MAML3: variants seen among roughly 807,000 people sequenced by gnomAD.
MAML3 encodes the protein mastermind like transcriptional coactivator 3, also known as mastermind-like protein 3.
MAML3 carries 27 observed loss-of-function variants against 101.9 expected under a neutral mutation model. The ratio of observed to expected loss-of-function variants is 0.27; its 90% confidence interval spans 0.20 to 0.37. MAML3 has a LOEUF of 0.37. Ranked by LOEUF, MAML3 falls within the 10% of genes least tolerant of loss-of-function variation. The probability of loss-of-function intolerance (pLI) is 1.00; values close to 1 mark genes in which losing one functional copy is unlikely to be tolerated. For missense variants in MAML3, 1,316 were observed against 1,444.9 expected (o/e 0.91, Z 1.45); for synonymous variants, 501 against 555.9 (o/e 0.90, Z 1.39).
intron 2 of MAML3, among the ~76,000 whole-genome samples, chr4:139,886,252 C>G (rs964193255): frequency 5.5e-4 from 83 of 152,090 alleles, no homozygotes; most frequent in African/African-American, 1.9e-3. Context: ...CTCAATCCAA[C>G]TGGCAAATCA....
At chr4:140,101,378 A>G (rs1331663596) in intron 1 of MAML3, among the ~76,000 whole-genome samples, 1 of 152,136 alleles carries the variant, frequency 6.6e-6, no homozygotes, top group Admixed American at 6.5e-5. Flanking sequence ...AGTTGAAGGG[A>G]TGAGAAACTC....
chr4:139,979,545 C>A lies in MAML3; in HGVS notation c.469-88578G>T, dbSNP rs144000601. On this transcript the variant is annotated intron_variant, in intron 1 of 4. Transcript: ENST00000509479. Reference sequence around the variant, plus strand: ...ACGGTTTGAATGTGTCCCCTCAAAACTTCAGGTGTTGCCAATGTGACAGTA... The same window carrying A: ...ACGGTTTGAATGTGTCCCCTCAAAAATTCAGGTGTTGCCAATGTGACAGTA... 8.3e-4 allele frequency among the ~76,000 whole-genome samples: 127 copies of A among 152,320 alleles called. 1 individual carries two copies. The highest frequency in any genetic ancestry group is 2.8e-3 in the African/African-American group (118 of 41,580).
At chr4:139,884,449 T>C (rs1210565797) in intron 2 of MAML3, among the ~76,000 whole-genome samples, 1 of 152,244 alleles carries the variant, frequency 6.6e-6, no homozygotes, top group East Asian at 1.9e-4. Flanking sequence ...ATGATGTATC[T>C]AGTCCTAAGA....
At chr4:140,006,214 T>C (rs904204825) in intron 1 of MAML3, among the ~76,000 whole-genome samples, 5 of 151,978 alleles carry the variant, frequency 3.3e-5, no homozygotes, top group African/African-American at 1.2e-4. Context: ...AGGGGGCCAA[T>C]AGGAAGAAAG....
chr4:139,979,503 T>C (rs1371790859), intron 1 of MAML3, among the ~76,000 whole-genome samples: 2 of 152,114 alleles, frequency 1.3e-5, no homozygotes, highest in Non-Finnish European at 2.9e-5. Context: ...CCACTAACAG[T>C]TGGGTTAGTG....
At chr4:140,137,308 A>G (rs1348808197) in intron 1 of MAML3, among the ~76,000 whole-genome samples, 3 of 152,228 alleles carry the variant, frequency 2.0e-5, no homozygotes, top group Non-Finnish European at 4.4e-5. Flanking sequence ...TTTTTAAACT[A>G]TAAACAAAGT....
At chr4:140,085,358 T>A (rs570094091) in intron 1 of MAML3, among the ~76,000 whole-genome samples, 1 of 152,124 alleles carries the variant, frequency 6.6e-6, no homozygotes, top group Non-Finnish European at 1.5e-5. Context: ...TGGATCTGTT[T>A]CCCAGGGGAC....
chr4:139,880,038 C>T (rs771655497), intron 2 of MAML3, among the ~76,000 whole-genome samples: 19 of 151,884 alleles, frequency 1.3e-4, no homozygotes, highest in African/African-American at 3.6e-4. Flanking sequence ...CTGGGCGTGG[C>T]GGCCTGTGCC....
At position 139,942,453 on chromosome 4, in the gene MAML3, A is replaced by T. The variant is rs112086133; in HGVS notation, c.469-51486T>A. ...TGATTACTGCAGTAAGTTCTCTGTG[A>T]TTAATGTGGACATAACACTGTCCAG... On this transcript the variant is annotated intron_variant, in intron 1 of 4. Transcript: ENST00000509479. Among the ~76,000 whole-genome samples the T allele has an allele frequency of 2.1e-3, 313 of 152,290 alleles. 2 individuals carry two copies. The highest frequency in any genetic ancestry group is 2.7e-3 in the Non-Finnish European group (184 of 68,014).
At chr4:139,756,146 T>C (rs949187253) in intron 2 of MAML3, among the ~76,000 whole-genome samples, 19 of 152,170 alleles carry the variant, frequency 1.2e-4, no homozygotes, top group African/African-American at 4.1e-4. Context: ...CAGCAAAGCA[T>C]GTAGGTTGTC....
At chr4:139,977,516 C>T (rs562194775) in intron 1 of MAML3, among the ~76,000 whole-genome samples, 1 of 152,310 alleles carries the variant, frequency 6.6e-6, no homozygotes, top group African/African-American at 2.4e-5. Flanking sequence ...TACTTTGGAA[C>T]ATTCTGCCCT....
chr4:139,863,797 G>T (rs1731833630), intron 2 of MAML3, among the ~76,000 whole-genome samples: 1 of 137,990 alleles, frequency 7.2e-6, no homozygotes, highest in South Asian at 2.4e-4. Flanking sequence ...CCTAATTTCT[G>T]TACCTTCACT....
chr4:139,930,897 T>C (rs1733378623), intron 1 of MAML3, among the ~76,000 whole-genome samples: 1 of 152,100 alleles, frequency 6.6e-6, no homozygotes, highest in South Asian at 2.1e-4. Context: ...GTCATTGCTA[T>C]AGGCATTTCA....
At chr4:139,894,888 A>T (rs1370133211) in intron 1 of MAML3, among the ~76,000 whole-genome samples, 1 of 152,222 alleles carries the variant, frequency 6.6e-6, no homozygotes, top group Non-Finnish European at 1.5e-5. Flanking sequence ...CAGCTTTAGG[A>T]CTTAAAGGAA....
chr4:139,982,973 C>T (rs1399661190), intron 1 of MAML3, among the ~76,000 whole-genome samples: 3 of 152,184 alleles, frequency 2.0e-5, no homozygotes, highest in Admixed American at 1.3e-4. Context: ...TTTGCAGTCT[C>T]TATGCATTTT....
At chr4:139,760,387 G>C (rs181396420) in intron 2 of MAML3, among the ~76,000 whole-genome samples, 93 of 152,304 alleles carry the variant, frequency 6.1e-4, no homozygotes, top group Non-Finnish European at 1.2e-3. Context: ...TAGAATGTGG[G>C]CTTTGGAATC....
Position 139,965,456 on chromosome 4 carries a change from G to A in MAML3, c.469-74489C>T, listed in dbSNP as rs374503907. Among the ~76,000 whole-genome samples, 9 of 152,084 alleles carry A rather than the reference G, an allele frequency of 5.9e-5. No homozygotes were observed. In the East Asian group the frequency reaches 7.7e-4, roughly 13 times the overall value. On this transcript the variant is annotated intron_variant, in intron 1 of 4. Coordinates refer to ENST00000509479, the MANE Select transcript of MAML3 (RefSeq NM_018717.5). ...CTAAAACATCACCATGTTTTAAAAT[G>A]TTCCCTACAATTGCCTTTGAGAATG... is the stretch of plus-strand genomic sequence containing the variant.
intron 1 of MAML3, among the ~76,000 whole-genome samples, chr4:140,033,558 G>A (rs1389704729): frequency 6.6e-6 from 1 of 152,180 alleles, no homozygotes; most frequent in Non-Finnish European, 1.5e-5. Context: ...CTCACTGGAT[G>A]TCTATTTTAT....
At chr4:139,979,878 C>T (rs76403352) in intron 1 of MAML3, among the ~76,000 whole-genome samples, 3,822 of 152,278 alleles carry the variant, frequency 0.025, 166 homozygotes, top group African/African-American at 0.085. Flanking sequence ...TATGTTGTTA[C>T]AGCAGCACAA....
Sources: allele counts gnomAD v4.1 joint callset (sites outside exome capture counted in the v4.1 genomes callset), GRCh38; gene constraint gnomAD v4.1.1; transcripts MANE v1.5; gene names NCBI Gene and HGNC (gene_info 2026-07-23, HGNC 2026-07-21).